Variants in DNAAF11 observed in about 807,000 individuals in gnomAD.
The protein encoded by DNAAF11 is leucine rich repeat containing 6.
A neutral mutation model predicts 60.8 loss-of-function variants in DNAAF11; 45 were observed. That is an observed-to-expected ratio of 0.74 (90% confidence interval 0.58 to 0.95). The LOEUF is 0.95. DNAAF11 is among the 40% of genes least tolerant of loss of function. The probability of loss-of-function intolerance (pLI) is 0.00; values close to 1 mark genes in which losing one functional copy is unlikely to be tolerated. For missense variants in DNAAF11, 546 were observed against 546.2 expected, an observed-to-expected ratio of 1.00 and a Z score of 0.00; for synonymous variants, 191 against 183.5, an observed-to-expected ratio of 1.04 and a Z score of -0.33.
In DNAAF11 at chr8:132,594,421, T is replaced by C. The variant is rs150925569; in HGVS notation, c.1141-10642A>G. On this transcript the variant is annotated intron_variant, in intron 10 of 11. Coordinates refer to ENST00000620350, the MANE Select transcript of DNAAF11 (RefSeq NM_012472.6). Reference sequence around the variant, plus strand: ...TTGTGACTGGCTATATTAGCTCTGGTATTAAAAAGAAAAGTCCTTCTAAAA... The same window carrying C: ...TTGTGACTGGCTATATTAGCTCTGGCATTAAAAAGAAAAGTCCTTCTAAAA... 1.7e-3 allele frequency among the ~76,000 whole-genome samples: 262 copies of C among 152,262 alleles called. 3 individuals carry two copies. Among genetic ancestry groups the C allele is most frequent in the East Asian group, 2.1e-3 (11 of 5,188 alleles).
chr8:132,626,179 G>T (rs1399733260), intron 5 of DNAAF11, among the ~76,000 whole-genome samples: 1 of 152,022 alleles, frequency 6.6e-6, no homozygotes, highest in African/African-American at 2.4e-5. Context: ...AGCCTCCTGA[G>T]TAGCTGGGAC....
chr8:132,654,795 C>T (rs890367636), intron 3 of DNAAF11, among the ~76,000 whole-genome samples: 8 of 149,174 alleles, frequency 5.4e-5, no homozygotes, highest in African/African-American at 2.0e-4. Flanking sequence ...TAGGAAAATT[C>T]ATAGAATTTT....
chr8:132,702,871 G>A, the DNAAF11 span, among the ~76,000 whole-genome samples: 201 of 152,262 alleles, frequency 1.3e-3, 1 homozygote, highest in African/African-American at 4.8e-3. Flanking sequence ...ACTCTTCGAA[G>A]GACACAGCAA....
rs919823457 is a variant in DNAAF11 at position 132,583,772 on chromosome 8, T to A, written c.1148A>T (p.Glu383Val). The A allele has an allele frequency of 3.7e-6, 6 of 1,612,088 alleles. No individual in the cohort carries two copies. The change falls in exon 11 of 12, where the codon GAA (glutamate) becomes GTA (valine). Residue 383 changes from glutamate to valine, a missense_variant. By Grantham distance (121) the Glu-to-Val change is moderately radical. Transcript: ENST00000620350. ...HLVICMPKVG[E>V]VITGGQRAFK... ...TGCTCGCTGACCACCTGTGATTACT[T>A]CTCCTACCTAAAATAAAAATGAAAC...
chr8:132,583,101 G>A lies in DNAAF11; in HGVS notation c.1226+593C>T, dbSNP rs183596456. Among the ~76,000 whole-genome samples, 12 of 152,292 alleles carry A rather than the reference G, an allele frequency of 7.9e-5. No individual in the cohort carries two copies. The East Asian group carries it at 2.3e-3, about 29-fold the overall frequency. The stretch of plus-strand genomic sequence containing the variant: ...AAGAAGGGAATGACTACTCTCTTGA[G>A]AGGGTGAGGGTCCTGTTGGGAAAGG... On this transcript the variant is annotated intron_variant, in intron 11 of 11. Transcript: ENST00000620350.
intron 6 of DNAAF11, among the ~76,000 whole-genome samples, chr8:132,623,229 A>G (rs1254785360): frequency 6.6e-6 from 1 of 152,208 alleles, no homozygotes; most frequent in African/African-American, 2.4e-5. Context: ...AAATGGTTGG[A>G]TCAACTGTGC....
Position 132,625,316 on chromosome 8 carries a change from A to G in DNAAF11, c.792T>C (p.Thr264=). 6.2e-7 allele frequency: 1 copy of G among 1,613,016 alleles called. No individual in the cohort carries two copies. The highest frequency in any genetic ancestry group is 8.5e-7 in the Non-Finnish European group (1 of 1,179,504). The change falls in exon 6 of 12, where the codon ACT becomes ACC. Residue 264 remains threonine (T), a synonymous_variant. Coordinates refer to ENST00000620350, the MANE Select transcript of DNAAF11 (RefSeq NM_012472.6). ...TCCGTTGTTTTTCCATGTGTCTAAGAGTTTCCAATCTTGATTCAGGAGTAA... is the reference window on the plus strand; with the variant it reads ...TCCGTTGTTTTTCCATGTGTCTAAGGGTTTCCAATCTTGATTCAGGAGTAA... ...CLFTPESRLE[T]LRHMEKQRKK...
At chr8:132,694,271 TCCTCCCA>T in the DNAAF11 span, among the ~76,000 whole-genome samples, 26 of 152,284 alleles carry the variant, frequency 1.7e-4, no homozygotes, top group African/African-American at 5.8e-4. Context: ...CTCAGTTGTG[TCCTCCCA>T]CCCAAATTTG....
chr8:132,694,611 T>G, the DNAAF11 span, among the ~76,000 whole-genome samples: 3 of 152,232 alleles, frequency 2.0e-5, no homozygotes, highest in South Asian at 6.2e-4. Context: ...ATTTTTAATT[T>G]GTAAAATTGA....
In DNAAF11 at chr8:132,571,005, C is replaced by T. The variant is rs1814129167; in HGVS notation, c.*1301G>A. On this transcript the variant is annotated 3_prime_UTR_variant, in exon 12 of 12. Transcript: ENST00000620350. ...ACCTCTCCCTTCTAGAGCTTCACTA[C>T]CCAGCTCTTCCCACATTTGTGCCCA... 6.6e-6 allele frequency among the ~76,000 whole-genome samples: 1 copy of T among 152,212 alleles called. No individual in the cohort carries two copies. Among genetic ancestry groups the T allele is most frequent in the Non-Finnish European group, 1.5e-5 (1 of 68,044 alleles).
intron 9 of DNAAF11, among the ~76,000 whole-genome samples, chr8:132,611,084 G>A (rs969972542): frequency 2.6e-5 from 4 of 152,002 alleles, no homozygotes; most frequent in African/African-American, 9.7e-5. Flanking sequence ...AGTAAAGACA[G>A]TATTTCACCA....
intron 8 of DNAAF11, among the ~76,000 whole-genome samples, chr8:132,611,913 A>C (rs570636258): frequency 1.3e-5 from 2 of 152,252 alleles, no homozygotes; most frequent in Admixed American, 6.5e-5. Flanking sequence ...ATTCTCCTCC[A>C]CTCATGAGCA....
At chr8:132,697,947 G>T in the DNAAF11 span, among the ~76,000 whole-genome samples, 2 of 152,154 alleles carry the variant, frequency 1.3e-5, no homozygotes, top group African/African-American at 4.8e-5. Context: ...GAATGGGACA[G>T]AAAATATTAA....
intron 10 of DNAAF11, among the ~76,000 whole-genome samples, chr8:132,602,011 A>ACC (rs1817676661): frequency 6.6e-6 from 1 of 151,644 alleles, no homozygotes; most frequent in African/African-American, 2.4e-5. Context: ...ACTCTATTCT[A>ACC]TGTGTTCTTA....
intron 3 of DNAAF11, among the ~76,000 whole-genome samples, chr8:132,644,780 G>A (rs962537285): frequency 6.6e-6 from 1 of 152,204 alleles, no homozygotes; most frequent in East Asian, 1.9e-4. Context: ...CAGCAAGGCT[G>A]GGGGAGGGAC....
In DNAAF11 at chr8:132,605,305, C is replaced by T. The variant is rs79551237; in HGVS notation, c.1140+4861G>A. ...TTCCCTTAATCATTTCTTCCCACTG[C>T]CTCTAAATCCATGGCAATAAAAATT... On this transcript the variant is annotated intron_variant, in intron 10 of 11. Coordinates refer to ENST00000620350, the MANE Select transcript of DNAAF11 (RefSeq NM_012472.6). Among the ~76,000 whole-genome samples, 107 of 152,234 alleles carry T rather than the reference C, an allele frequency of 7.0e-4. No homozygotes were observed. In the East Asian group the frequency reaches 0.02, roughly 28 times the overall value.
intron 3 of DNAAF11, among the ~76,000 whole-genome samples, chr8:132,639,368 C>T (rs753847612): frequency 3.5e-4 from 54 of 152,268 alleles, no homozygotes; most frequent in African/African-American, 9.6e-4. Flanking sequence ...CAGCTAATAC[C>T]CCAGGTCCAC....
At chr8:132,674,067 CAGG>C (rs1170562794) in intron 1 of DNAAF11, among the ~76,000 whole-genome samples, 1 of 91,324 alleles carries the variant, frequency 1.1e-5, no homozygotes, top group East Asian at 2.9e-4. Flanking sequence ...GGAGGAGGAG[CAGG>C]AGGAGGAGGA....
chr8:132,607,474 A>G (rs944678196), intron 10 of DNAAF11, among the ~76,000 whole-genome samples: 16 of 152,188 alleles, frequency 1.1e-4, no homozygotes, highest in African/African-American at 3.9e-4. Context: ...TGGCAGCAAC[A>G]CAAAACATAA....
Sources: allele counts gnomAD v4.1 joint callset (sites outside exome capture counted in the v4.1 genomes callset), GRCh38; gene constraint gnomAD v4.1.1; transcripts MANE v1.5; gene names NCBI Gene and HGNC (gene_info 2026-07-23, HGNC 2026-07-21).